The following LRP1B variants were observed in gnomAD, a reference collection of about 807,000 sequenced individuals.
LRP1B encodes low-density lipoprotein receptor-related protein 1B.
In LRP1B, 217 loss-of-function variants were observed where a neutral mutation model predicts 556.6. The observed-to-expected ratio is 0.39, with a 90% CI of 0.35 to 0.44. LRP1B has a LOEUF of 0.44. Among genes scored for constraint, LRP1B ranks in the 20% least tolerant of loss-of-function variants. The probability of loss-of-function intolerance (pLI) is 1.00; values close to 1 mark genes in which losing one functional copy is unlikely to be tolerated. For missense variants in LRP1B, 5,053 were observed against 5,620.8 expected, an observed-to-expected ratio of 0.90 and a Z score of 3.23; for synonymous variants, 2,047 against 1,865.8, an observed-to-expected ratio of 1.10 and a Z score of -2.50.
intron 66 of LRP1B, among the ~76,000 whole-genome samples, chr2:140,399,161 A>G (rs1471740532): frequency 6.8e-6 from 1 of 148,024 alleles, no homozygotes; most frequent in Non-Finnish European, 1.5e-5. Context: ...GAGAAGACCA[A>G]GATACACACA....
In LRP1B at chr2:140,339,324, CA is replaced by C. The variant is rs553485320; in HGVS notation, c.11893-3487del. Among the ~76,000 whole-genome samples, 215 of 151,740 alleles carry C rather than the reference CA, an allele frequency of 1.4e-3. 2 individuals are homozygous for C. The highest frequency in any genetic ancestry group is 1.9e-3 in the Non-Finnish European group (132 of 67,770). The stretch of plus-strand genomic sequence containing the variant: ...AACAGGAAAAAGGAAAAACATGTGA[CA>C]GGGGAGTTCAAGCATTTGAGCCATG... On this transcript the variant is annotated intron_variant, in intron 77 of 90. Transcript: ENST00000389484.
At chr2:140,642,837 C>G (rs1684350437) in intron 41 of LRP1B, among the ~76,000 whole-genome samples, 1 of 151,982 alleles carries the variant, frequency 6.6e-6, no homozygotes, top group Non-Finnish European at 1.5e-5. Flanking sequence ...GAGCGAGACT[C>G]TGTCTCAGAA....
At chr2:140,629,752 C>G (rs1683811014) in intron 41 of LRP1B, among the ~76,000 whole-genome samples, 1 of 152,188 alleles carries the variant, frequency 6.6e-6, no homozygotes, top group Non-Finnish European at 1.5e-5. Flanking sequence ...ATATGTGAAT[C>G]TGCACAGATA....
chr2:140,397,654 A>C (rs16843904), intron 66 of LRP1B, among the ~76,000 whole-genome samples: 4,589 of 152,260 alleles, frequency 0.03, 223 homozygotes, highest in African/African-American at 0.1. Context: ...AAATCCTGAC[A>C]AGTGTCATTT....
At position 140,776,120 on chromosome 2, in the gene LRP1B, G is replaced by A. The variant is rs1478158578; in HGVS notation, c.5478C>T (p.Val1826=). Reference sequence around the variant, plus strand: ...TACCTTGCTGTGCTTCTTTATCATAGACTTTCATATGAACTACCCCAGAAG... The same window carrying A: ...TACCTTGCTGTGCTTCTTTATCATAAACTTTCATATGAACTACCCCAGAAG... ...NKTSGVVHMK[V]YDKEAQQGSN... is the part of the protein sequence containing the mutation. Residue 1826 remains valine, a synonymous_variant, in exon 33 of 91, where the codon GTC becomes GTT. Transcript: ENST00000389484. The A allele has an allele frequency of 6.4e-7, 1 of 1,565,848 alleles. No individual in the cohort carries two copies. The highest frequency in any genetic ancestry group is 1.4e-5 in the African/African-American group (1 of 70,682).
At chr2:141,933,834 A>C (rs991218445) in intron 1 of LRP1B, among the ~76,000 whole-genome samples, 1 of 152,174 alleles carries the variant, frequency 6.6e-6, no homozygotes, top group Non-Finnish European at 1.5e-5. Flanking sequence ...TTAGGTCATT[A>C]GCCAAGACCT....
intron 77 of LRP1B, among the ~76,000 whole-genome samples, chr2:140,346,472 A>T (rs978854845): frequency 6.6e-6 from 1 of 151,960 alleles, no homozygotes; most frequent in African/African-American, 2.4e-5. Flanking sequence ...ATTAACAACA[A>T]TAAAACCACA....
chr2:141,891,146 T>C (rs1699279866), intron 1 of LRP1B, among the ~76,000 whole-genome samples: 1 of 152,136 alleles, frequency 6.6e-6, no homozygotes. Context: ...TTTTCCTTTT[T>C]TTTAAACAAC....
chr2:142,114,661 A>G (rs943460939), intron 1 of LRP1B, among the ~76,000 whole-genome samples: 33 of 152,142 alleles, frequency 2.2e-4, no homozygotes, highest in African/African-American at 7.5e-4. Context: ...GAAATAAGCC[A>G]GGCCCAAAAA....
At chr2:141,101,175 C>T (rs1020167961) in intron 7 of LRP1B, among the ~76,000 whole-genome samples, 12 of 152,150 alleles carry the variant, frequency 7.9e-5, no homozygotes, top group African/African-American at 2.4e-4. Flanking sequence ...ATGACATTGT[C>T]GGAGACAACT....
chr2:142,096,197 T>A (rs1424051335), intron 1 of LRP1B, among the ~76,000 whole-genome samples: 1 of 151,728 alleles, frequency 6.6e-6, no homozygotes, highest in Admixed American at 6.6e-5. Flanking sequence ...GAGAAATTTA[T>A]CAGTTTTGTG....
chr2:140,527,796 T>C (rs950241068), intron 47 of LRP1B, among the ~76,000 whole-genome samples: 19 of 151,990 alleles, frequency 1.3e-4, no homozygotes, highest in African/African-American at 3.9e-4. Context: ...AACATAAATA[T>C]AATCATGTCA....
chr2:141,709,365 T>TA (rs144990814), intron 2 of LRP1B, among the ~76,000 whole-genome samples: 2 of 147,954 alleles, frequency 1.4e-5, no homozygotes, highest in Non-Finnish European at 3.0e-5. Flanking sequence ...TAAAAGAAAA[T>TA]AAATAAAATA....
At position 141,621,754 on chromosome 2, in the gene LRP1B, G is replaced by A. The variant is rs145107225; in HGVS notation, c.206-141221C>T. 3.4e-3 allele frequency among the ~76,000 whole-genome samples: 514 copies of A among 152,242 alleles called. 2 individuals are homozygous for A. The highest frequency in any genetic ancestry group is 0.012 in the African/African-American group (493 of 41,534). On this transcript the variant is annotated intron_variant, in intron 2 of 90. Coordinates refer to ENST00000389484, the MANE Select transcript of LRP1B (RefSeq NM_018557.3). The stretch of plus-strand genomic sequence containing the variant: ...TTCTTTCACAATTTTGAGTTTTTGG[G>A]TTTGATGTGAAAATAAAAGAATGGG...
chr2:141,051,580 C>T (rs1233240868), intron 10 of LRP1B, among the ~76,000 whole-genome samples: 1 of 151,840 alleles, frequency 6.6e-6, no homozygotes, highest in African/African-American at 2.4e-5. Context: ...TCCCAGGTAC[C>T]TAGCAAAAAT....
chr2:141,112,124 C>G (rs1320281144), intron 7 of LRP1B, among the ~76,000 whole-genome samples: 1 of 151,818 alleles, frequency 6.6e-6, no homozygotes, highest in Admixed American at 6.6e-5. Flanking sequence ...CTCTGAGTGT[C>G]TGTGTGCCTA....
At position 140,954,164 on chromosome 2, in the gene LRP1B, T is replaced by G. The variant is rs908070309; in HGVS notation, c.2888-2224A>C. On this transcript the variant is annotated intron_variant, in intron 18 of 90. Transcript: ENST00000389484. Reference sequence around the variant, plus strand: ...TTCTTCTCTTTGTTGCCTAACAAGATAGTGAGAACTCACATTTATGTTTCA... The same window carrying G: ...TTCTTCTCTTTGTTGCCTAACAAGAGAGTGAGAACTCACATTTATGTTTCA... Among the ~76,000 whole-genome samples, 43 of 152,194 alleles carry G rather than the reference T, an allele frequency of 2.8e-4. 1 individual carries two copies. Among genetic ancestry groups the G allele is most frequent in the Non-Finnish European group, 4.0e-4 (27 of 68,004 alleles).
intron 18 of LRP1B, among the ~76,000 whole-genome samples, chr2:140,960,677 A>G (rs193182982): frequency 6.6e-6 from 1 of 152,048 alleles, no homozygotes; most frequent in Admixed American, 6.6e-5. Flanking sequence ...CATGTTTACC[A>G]GTGTACATTT....
At chr2:142,017,850 C>T (rs1703199894) in intron 1 of LRP1B, among the ~76,000 whole-genome samples, 4 of 152,138 alleles carry the variant, frequency 2.6e-5, no homozygotes, top group Admixed American at 2.6e-4. Context: ...TACTGCACTC[C>T]AGCCTGGGCA....
Sources: gnomAD v4.1 joint callset for allele counts (sites outside exome capture counted in the v4.1 genomes callset) on GRCh38, gnomAD v4.1.1 for gene constraint, MANE v1.5 for transcripts, NCBI Gene and HGNC (gene_info 2026-07-23, HGNC 2026-07-21) for gene names.